Variants in WDR5 observed in about 807,000 individuals in gnomAD.
WDR5 encodes the protein WD repeat-containing protein 5.
For missense variants in WDR5, 187 were observed against 416.9 expected (o/e 0.45, Z 4.80); for synonymous variants, 144 against 161.6 (o/e 0.89, Z 0.83).
In WDR5 at chr9:134,140,794, A is replaced by G. The variant is rs1323329789; in HGVS notation, c.173A>G (p.Glu58Gly). The change falls in exon 3 of 14, where the codon GAG becomes GGG. Residue 58 changes from glutamate (E) to glycine (G), a missense_variant. Coordinates refer to ENST00000358625, the MANE Select transcript of WDR5 (RefSeq NM_017588.3). ...VSSVKFSPNGEWLASSSADKL... is the reference protein window; with the variant it reads ...VSSVKFSPNGGWLASSSADKL... The stretch of plus-strand genomic sequence containing the variant: ...TCCGTGAAATTCAGCCCGAATGGAG[A>G]GTGGCTGGCAAGTTCATGTACGTAG... 1 of 1,614,062 alleles carries G rather than the reference A, an allele frequency of 6.2e-7. No homozygotes were observed. Among genetic ancestry groups the G allele is most frequent in the Admixed American group, 1.7e-5 (1 of 60,014 alleles).
chr9:134,136,668 C>T (rs899328482), intron 1 of WDR5, among the ~76,000 whole-genome samples: 4 of 152,196 alleles, frequency 2.6e-5, no homozygotes, highest in East Asian at 1.9e-4. Flanking sequence ...CAGGCTGCAG[C>T]TCGCTAGGTG....
chr9:134,147,951 T>A (rs1265545983), intron 7 of WDR5, among the ~76,000 whole-genome samples: 3 of 151,960 alleles, frequency 2.0e-5, no homozygotes, highest in Admixed American at 1.3e-4. Context: ...GGTCAGGAGT[T>A]CAAGACCAGG....
chr9:134,137,103 G>A (rs1831602852), intron 1 of WDR5, among the ~76,000 whole-genome samples: 1 of 152,146 alleles, frequency 6.6e-6, no homozygotes, highest in African/African-American at 2.4e-5. Flanking sequence ...GCATGTCACA[G>A]GCAGATTCCT....
Position 134,155,387 on chromosome 9 carries a change from G to C in WDR5, c.741+14G>C, listed in dbSNP as rs1832700572. On this transcript the variant is annotated intron_variant, in intron 11 of 13. Coordinates refer to ENST00000358625, the MANE Select transcript of WDR5 (RefSeq NM_017588.3). The stretch of plus-strand genomic sequence containing the variant: ...AGCAAGGGGAAGGTGAGCCCCCGCA[G>C]GCTTGGGCCCCCATGGTGCACCATC... The C allele has an allele frequency of 2.5e-6, 4 of 1,601,768 alleles. No individual in the cohort carries two copies. In the East Asian group the frequency reaches 9.0e-5, roughly 36 times the overall value.
chr9:134,152,117 C>T, intron 9 of WDR5, 88 bp downstream of exon 9: 2 of 1,467,336 alleles, frequency 1.4e-6, no homozygotes, highest in Non-Finnish European at 1.9e-6. Context: ...AGCTCCTCCT[C>T]CCTCCTCTGC....
intron 7 of WDR5, among the ~76,000 whole-genome samples, chr9:134,143,476 G>A (rs899842222): frequency 2.0e-5 from 3 of 152,058 alleles, no homozygotes; most frequent in African/African-American, 7.2e-5. Flanking sequence ...GGGAAGCGGA[G>A]GTTGCAGTGA....
In WDR5 at chr9:134,146,109, C is replaced by T. The variant is rs185347022; in HGVS notation, c.529-2179C>T. Among the ~76,000 whole-genome samples the T allele has an allele frequency of 2.1e-3, 322 of 151,424 alleles. 2 individuals are homozygous for T. Among genetic ancestry groups the T allele is most frequent in the African/African-American group, 6.7e-3 (276 of 41,294 alleles). ...CCTCCTGAGTAGCTGGGACTACAGG[C>T]GCCCTCCACCATGCCCGGCTAATTT... is the stretch of plus-strand genomic sequence containing the variant. On this transcript the variant is annotated intron_variant, in intron 7 of 13. Coordinates refer to ENST00000358625, the MANE Select transcript of WDR5 (RefSeq NM_017588.3).
rs761647965 is a variant in WDR5, at chr9:134,152,072, C to T, written c.631+43C>T. 4 of 1,606,038 alleles carry T rather than the reference C, an allele frequency of 2.5e-6. No homozygotes were observed. The African/African-American group carries it at 5.4e-5, about 22-fold the overall frequency. On this transcript the variant is annotated intron_variant, in intron 9 of 13. Transcript: ENST00000358625. Reference sequence around the variant, plus strand: ...TGGGGGCTGGGTCTGTGGGGAGGGCCTCCCCTGCTGGGTTCACTGCCCCTG... The same window carrying T: ...TGGGGGCTGGGTCTGTGGGGAGGGCTTCCCCTGCTGGGTTCACTGCCCCTG...
intron 7 of WDR5, among the ~76,000 whole-genome samples, chr9:134,145,828 T>C (rs1832163693): frequency 6.6e-6 from 1 of 152,208 alleles, no homozygotes; most frequent in African/African-American, 2.4e-5. Context: ...CTTCTGCTAC[T>C]GCTTGTCTGC....
chr9:134,145,933 CTTTCT>C (rs764479173), intron 7 of WDR5, among the ~76,000 whole-genome samples: 7 of 98,274 alleles, frequency 7.1e-5, no homozygotes, highest in Non-Finnish European at 8.6e-5. Context: ...CTGTTTCTTT[CTTTCT>C]TTTTTTTTTT....
At chr9:134,146,651 G>A (rs1385687959) in intron 7 of WDR5, among the ~76,000 whole-genome samples, 1 of 152,258 alleles carries the variant, frequency 6.6e-6, no homozygotes, top group East Asian at 1.9e-4. Flanking sequence ...GCCAGGCCAT[G>A]TTTGCCAGTG....
At chr9:134,149,282 A>G (rs1832373253) in intron 8 of WDR5, among the ~76,000 whole-genome samples, 1 of 152,180 alleles carries the variant, frequency 6.6e-6, no homozygotes, top group African/African-American at 2.4e-5. Flanking sequence ...GCTTCACAGC[A>G]CACACTTCCG....
chr9:134,140,654 G>A, intron 2 of WDR5, 49 bp from the exon 3 acceptor site: 1 of 1,506,456 alleles, frequency 6.6e-7, no homozygotes. Flanking sequence ...CTGGTCACGG[G>A]TGGAACGTAC....
At chr9:134,141,427 T>A in intron 3 of WDR5, 83 bp from the exon 4 acceptor site, 4 of 1,397,050 alleles carry the variant, frequency 2.9e-6, no homozygotes, top group Non-Finnish European at 4.1e-6. Context: ...GGGACTCATG[T>A]GGGAAAAGCT....
chr9:134,156,872 G>A (rs1275814073), intron 13 of WDR5, among the ~76,000 whole-genome samples: 1 of 152,222 alleles, frequency 6.6e-6, no homozygotes, highest in Non-Finnish European at 1.5e-5. Flanking sequence ...GGGACTTTAG[G>A]TGGGTGCAGC....
rs1831913031 is a variant in WDR5, at chr9:134,141,933, G to C, written c.265-16G>C. On this transcript the variant is annotated splice_polypyrimidine_tract_variant and intron_variant, in intron 4 of 13. Transcript: ENST00000358625. ...TTTGTCCTGTCAAGTTACTGACCCT[G>C]TTTTTTCTCCCCAAGGGAATATCCG... is the stretch of plus-strand genomic sequence containing the variant. The C allele has an allele frequency of 1.2e-6, 2 of 1,613,342 alleles. No individual in the cohort carries two copies. The highest frequency in any genetic ancestry group is 2.7e-5 in the African/African-American group (2 of 74,876).
chr9:134,145,318 C>G (rs1001621516), intron 7 of WDR5, among the ~76,000 whole-genome samples: 1 of 152,074 alleles, frequency 6.6e-6, no homozygotes, highest in East Asian at 1.9e-4. Flanking sequence ...AGGCTGGTCT[C>G]AATCTCCTAA....
intron 8 of WDR5, among the ~76,000 whole-genome samples, chr9:134,150,467 C>T (rs546785226): frequency 2.0e-5 from 3 of 152,194 alleles, no homozygotes; most frequent in Non-Finnish European, 4.4e-5. Flanking sequence ...TCACATGTGG[C>T]GACATGCTGA....
rs1588168678 is a variant in WDR5, at chr9:134,140,658, A to G, written c.82-45A>G. 3.3e-6 allele frequency: 5 copies of G among 1,526,400 alleles called. No homozygotes were observed. The East Asian group carries it at 9.0e-5, about 27-fold the overall frequency. 94.6% of individuals were successfully genotyped at this position (1,526,400 alleles called of 1,614,324 possible). A position where few individuals can be genotyped will look rare whatever the true frequency, so the allele number is the denominator to read the frequency against. ...CAAAATCCAAACTGGTCACGGGTGG[A>G]ACGTACAGTGGTGGTGACTTTTTGC... On this transcript the variant is annotated intron_variant, in intron 2 of 13. Coordinates refer to ENST00000358625, the MANE Select transcript of WDR5 (RefSeq NM_017588.3).
Sources: allele counts gnomAD v4.1 joint callset (sites outside exome capture counted in the v4.1 genomes callset), GRCh38; gene constraint gnomAD v4.1.1; transcripts MANE v1.5; gene names NCBI Gene and HGNC (gene_info 2026-07-23, HGNC 2026-07-21).